Variants in ITGA8 observed in about 807,000 individuals in gnomAD.
ITGA8 encodes the protein integrin subunit alpha 8.
ITGA8 carries 91 observed loss-of-function variants against 142.3 expected under a neutral mutation model. The ratio of observed to expected loss-of-function variants is 0.64; its 90% CI spans 0.54 to 0.76. The LOEUF is 0.76. ITGA8 is among the 30% of genes least tolerant of loss of function. The pLI is 0.00. For synonymous variants in ITGA8, 505 were observed against 485.2 expected (o/e 1.04, Z -0.54); for missense variants, 1,406 against 1,327.7 (o/e 1.06, Z -0.92).
intron 2 of ITGA8, among the ~76,000 whole-genome samples, chr10:15,714,241 G>A (rs1665016157): frequency 6.6e-6 from 1 of 152,170 alleles, no homozygotes; most frequent in African/African-American, 2.4e-5. Flanking sequence ...CCTTTTAGCA[G>A]AAGGGTTACA....
intron 27 of ITGA8, among the ~76,000 whole-genome samples, chr10:15,532,290 G>A (rs561164107): frequency 1.3e-5 from 2 of 151,598 alleles, no homozygotes; most frequent in Admixed American, 6.6e-5. Context: ...ATGGTGGCGG[G>A]TCCCTATAAT....
rs371395667 is a variant in ITGA8, at chr10:15,684,276, G to T, written c.445-149C>A. The T allele has an allele frequency of 1.4e-4, 99 of 701,992 alleles. 1 individual carries two copies. Among genetic ancestry groups the T allele is most frequent in the African/African-American group, 1.4e-3 (77 of 54,760 alleles). The allele number at this position is 701,992 out of a possible 1,614,324, so 43.5% of individuals were successfully genotyped here. On this transcript the variant is annotated intron_variant, in intron 3 of 29. Transcript: ENST00000378076. ...CTAATGAGTGCCTTGGTCATCAGAG[G>T]TAATTAAACTTCCAAAACTAATTTT... is the stretch of plus-strand genomic sequence containing the variant.
chr10:15,593,863 A>T (rs952173459), intron 21 of ITGA8, among the ~76,000 whole-genome samples: 10 of 137,494 alleles, frequency 7.3e-5, no homozygotes, highest in Non-Finnish European at 1.5e-4. Context: ...TTTTTTTGAG[A>T]CAGAGTCTTG....
At chr10:15,705,407 G>A (rs1443872641) in intron 2 of ITGA8, among the ~76,000 whole-genome samples, 1 of 152,140 alleles carries the variant, frequency 6.6e-6, no homozygotes, top group Non-Finnish European at 1.5e-5. Context: ...CTCATCCTCA[G>A]TTGTTTCCTG....
intron 26 of ITGA8, among the ~76,000 whole-genome samples, chr10:15,550,074 G>A (rs187898158): frequency 5.5e-4 from 83 of 152,138 alleles, no homozygotes; most frequent in South Asian, 4.4e-3. Context: ...TCATGGGGAC[G>A]GTTTCCCACA....
intron 27 of ITGA8, among the ~76,000 whole-genome samples, chr10:15,534,598 T>C (rs374522544): frequency 2.6e-5 from 4 of 152,330 alleles, no homozygotes; most frequent in African/African-American, 9.6e-5. Context: ...GAAAGATCTT[T>C]CCATTATTGA....
intron 2 of ITGA8, among the ~76,000 whole-genome samples, chr10:15,711,544 G>A (rs1006716265): frequency 1.2e-4 from 18 of 150,370 alleles, no homozygotes; most frequent in Admixed American, 3.3e-4. Flanking sequence ...ATTTATTTAC[G>A]TATTTATAAA....
intron 2 of ITGA8, among the ~76,000 whole-genome samples, chr10:15,705,233 A>G (rs1224894776): frequency 6.6e-6 from 1 of 152,168 alleles, no homozygotes; most frequent in Non-Finnish European, 1.5e-5. Context: ...CTATTATTTC[A>G]TGACTCCACT....
chr10:15,713,603 C>T (rs933586981), intron 2 of ITGA8, among the ~76,000 whole-genome samples: 2 of 152,098 alleles, frequency 1.3e-5, no homozygotes, highest in African/African-American at 4.8e-5. Context: ...AAAGGCAAGA[C>T]TTATGCAGCC....
intron 28 of ITGA8, among the ~76,000 whole-genome samples, chr10:15,522,118 G>A (rs1000325491): frequency 1.3e-5 from 2 of 152,138 alleles, no homozygotes; most frequent in African/African-American, 4.8e-5. Context: ...ACAAAGCAAC[G>A]ATAAATGTTT....
intron 6 of ITGA8, among the ~76,000 whole-genome samples, chr10:15,674,938 C>CA (rs35978679): frequency 0.78 from 115,769 of 148,800 alleles, 46,089 homozygotes; most frequent in Middle Eastern, 0.88. Context: ...AGACTCGTCT[C>CA]AAAAAAAAAA....
At chr10:15,718,991 G>A in intron 1 of ITGA8, 92 bp from the exon 2 acceptor site, 1 of 1,576,558 alleles carries the variant, frequency 6.3e-7, no homozygotes, top group East Asian at 2.2e-5. Flanking sequence ...GGGGACACTG[G>A]GGCAGGCGTG....
intron 22 of ITGA8, among the ~76,000 whole-genome samples, chr10:15,591,722 T>C (rs1832926428): frequency 6.6e-6 from 1 of 152,206 alleles, no homozygotes; most frequent in South Asian, 2.1e-4. Context: ...TGCTTATCAT[T>C]GCTAGAGAAG....
At chr10:15,523,392 T>C (rs1390346136) in intron 28 of ITGA8, among the ~76,000 whole-genome samples, 1 of 152,212 alleles carries the variant, frequency 6.6e-6, no homozygotes, top group Non-Finnish European at 1.5e-5. Context: ...TAGGGTCTTT[T>C]GAAGCAGAGA....
chr10:15,694,687 A>G (rs983343293), intron 2 of ITGA8, among the ~76,000 whole-genome samples: 1 of 133,824 alleles, frequency 7.5e-6, no homozygotes, highest in African/African-American at 2.7e-5. Context: ...ACATATATAT[A>G]TATATATATA....
chr10:15,542,885 A>G (rs1833599568), intron 27 of ITGA8, among the ~76,000 whole-genome samples: 1 of 152,204 alleles, frequency 6.6e-6, no homozygotes, highest in South Asian at 2.1e-4. Flanking sequence ...ATCACTCAAT[A>G]GTAATCTGAC....
At position 15,667,354 on chromosome 10, in the gene ITGA8, C is replaced by G. The variant is rs192566439; in HGVS notation, c.847+4249G>C. 3.6e-3 allele frequency among the ~76,000 whole-genome samples: 542 copies of G among 152,090 alleles called. 1 individual carries two copies. Among genetic ancestry groups the G allele is most frequent in the Non-Finnish European group, 5.4e-3 (364 of 68,000 alleles). ...ATGGTAGTTTGTATTTCTGTGGTAT[C>G]GGTGGTGATATCCCCTTTATCATTT... On this transcript the variant is annotated intron_variant, in intron 8 of 29. Coordinates refer to ENST00000378076, the MANE Select transcript of ITGA8 (RefSeq NM_003638.3).
rs112554455 is a variant in ITGA8 at position 15,626,249 on chromosome 10, T to C, written c.1400-9690A>G. Among the ~76,000 whole-genome samples, 3 of 152,182 alleles carry C rather than the reference T, an allele frequency of 2.0e-5. No individual in the cohort carries two copies. The East Asian group carries it at 5.8e-4, about 29-fold the overall frequency. On this transcript the variant is annotated intron_variant, in intron 13 of 29. Transcript: ENST00000378076. ...CTTTTCTTTTCTTTTCTTTCTCTTT[T>C]TTGGAGACAGTCTCACTCTATTGCC...
chr10:15,539,878 G>T (rs776698538), intron 27 of ITGA8, among the ~76,000 whole-genome samples: 1 of 152,090 alleles, frequency 6.6e-6, no homozygotes, highest in African/African-American at 2.4e-5. Context: ...GGGTGGGGCC[G>T]GGTGGAGATA....
Sources: gnomAD v4.1 joint callset for allele counts (sites outside exome capture counted in the v4.1 genomes callset) on GRCh38, gnomAD v4.1.1 for gene constraint, MANE v1.5 for transcripts, NCBI Gene and HGNC (gene_info 2026-07-23, HGNC 2026-07-21) for gene names.